The following SMAD6 variants were observed in gnomAD, a reference collection of about 807,000 sequenced individuals.
SMAD6 encodes SMAD family member 6.
Under a neutral mutation model 39.4 loss-of-function variants are expected in SMAD6, and 103 were observed. The observed-to-expected ratio is 2.62, with a 90% CI of 2.23 to 3.08. The LOEUF (loss-of-function observed/expected upper bound fraction) is 3.08, where lower values mean the gene tolerates loss of function less well. SMAD6 is among the 30% of genes most tolerant of loss of function. The probability of loss-of-function intolerance (pLI) is 0.00; values close to 1 mark genes in which losing one functional copy is unlikely to be tolerated. For missense variants in SMAD6, 1,104 were observed against 742.9 expected (o/e 1.49, Z -5.65); for synonymous variants, 445 against 353.3 (o/e 1.26, Z -2.91).
At chr15:66,743,402 C>G (rs1259751125) in intron 3 of SMAD6, among the ~76,000 whole-genome samples, 2 of 140,432 alleles carry the variant, frequency 1.4e-5, no homozygotes, top group East Asian at 4.6e-4. Context: ...AAAATGGGTA[C>G]ATACCTGAAA....
chr15:66,750,506 A>T (rs1296078362), intron 3 of SMAD6, among the ~76,000 whole-genome samples: 1 of 152,196 alleles, frequency 6.6e-6, no homozygotes, highest in Non-Finnish European at 1.5e-5. Flanking sequence ...CCTTGTTCTC[A>T]CAGTGCTTCC....
intron 3 of SMAD6, among the ~76,000 whole-genome samples, chr15:66,770,300 A>G (rs974696728): frequency 2.6e-5 from 4 of 152,146 alleles, no homozygotes; most frequent in Admixed American, 1.3e-4. Flanking sequence ...TTGGGCATTT[A>G]ATGCCTGAGA....
In SMAD6 at chr15:66,781,035, T is replaced by C; in HGVS notation, c.991T>C (p.Trp331Arg). 1.3e-6 allele frequency: 2 copies of C among 1,598,396 alleles called. No individual in the cohort carries two copies. The highest frequency in any genetic ancestry group is 1.7e-6 in the Non-Finnish European group (2 of 1,176,914). The change falls in exon 4 of 4, where the codon TGG (tryptophan) becomes CGG (arginine). Residue 331 changes from tryptophan (W) to arginine (R), a missense_variant. Transcript: ENST00000288840. The stretch of plus-strand genomic sequence containing the variant: ...TCCGGACGCCACCAAGCCGAGCCAC[T>C]GGTGCAGCGTGGCGTACTGGGAGCA... ...MSPDATKPSHWCSVAYWEHRT... is the reference protein window; with the variant it reads ...MSPDATKPSHRCSVAYWEHRT...
In SMAD6 at chr15:66,763,977, G is replaced by A. The variant is rs1028799845; in HGVS notation, c.953-17020G>A. On this transcript the variant is annotated intron_variant, in intron 3 of 3. Coordinates refer to ENST00000288840, the MANE Select transcript of SMAD6 (RefSeq NM_005585.5). ...CTGACTACCAGAGCAGGGCTGAGGCGCCTCGGCCATCCACGGGACTTCCCT... is the reference window on the plus strand; with the variant it reads ...CTGACTACCAGAGCAGGGCTGAGGCACCTCGGCCATCCACGGGACTTCCCT... 1.8e-4 allele frequency among the ~76,000 whole-genome samples: 28 copies of A among 152,250 alleles called. 1 individual carries two copies. The highest frequency in any genetic ancestry group is 2.1e-4 in the South Asian group (1 of 4,836).
rs4072640 is a variant in SMAD6 at position 66,775,457 on chromosome 15, C to T, written c.953-5540C>T. 9.9e-3 allele frequency among the ~76,000 whole-genome samples: 1,510 copies of T among 152,210 alleles called. 97 individuals are homozygous for T. In the East Asian group the frequency reaches 0.17, roughly 17 times the overall value. On this transcript the variant is annotated intron_variant, in intron 3 of 3. Transcript: ENST00000288840. ...AGTCCTAGCAACATTAACTAAATCA[C>T]GGAAATTTAGAGCTGGGGAGAGTAA...
Position 66,781,005 on chromosome 15 carries a change from A to G in SMAD6, c.961A>G (p.Met321Val). Residue 321 changes from methionine to valine, a missense_variant, in exon 4 of 4, where the codon ATG becomes GTG. Met to Val is a conservative substitution (Grantham distance 21). Coordinates refer to ENST00000288840, the MANE Select transcript of SMAD6 (RefSeq NM_005585.5). ...CTGTGCTTGTCCCGCAGACGCCAGC[A>G]TGTCTCCGGACGCCACCAAGCCGAG... ...TAPGEFSDAS[M>V]SPDATKPSHW... is the part of the protein sequence containing the mutation. 6.4e-7 allele frequency: 1 copy of G among 1,572,230 alleles called. No homozygotes were observed. The highest frequency in any genetic ancestry group is 8.6e-7 in the Non-Finnish European group (1 of 1,164,278).
At chr15:66,742,501 C>T (rs1422198663) in intron 3 of SMAD6, among the ~76,000 whole-genome samples, 1 of 152,114 alleles carries the variant, frequency 6.6e-6, no homozygotes, top group African/African-American at 2.4e-5. Context: ...CCAGGACACT[C>T]ACCCTTGGGT....
At chr15:66,713,263 G>A (rs535009035) in intron 2 of SMAD6, among the ~76,000 whole-genome samples, 1 of 152,290 alleles carries the variant, frequency 6.6e-6, no homozygotes, top group South Asian at 2.1e-4. Context: ...GGTTTTGTTT[G>A]GTTTTTGGTA....
chr15:66,721,383 C>G (rs1285448254), intron 3 of SMAD6, among the ~76,000 whole-genome samples: 1 of 147,630 alleles, frequency 6.8e-6, no homozygotes, highest in East Asian at 2.0e-4. Context: ...TTACAGGGAC[C>G]AAGTGTGTTC....
intron 1 of SMAD6, among the ~76,000 whole-genome samples, chr15:66,710,904 A>T (rs1893214184): frequency 6.6e-6 from 1 of 152,218 alleles, no homozygotes; most frequent in Non-Finnish European, 1.5e-5. Flanking sequence ...GCTGGAAGTG[A>T]CTGGCTTAAG....
intron 2 of SMAD6, among the ~76,000 whole-genome samples, chr15:66,714,503 C>T (rs1385268958): frequency 6.6e-6 from 1 of 152,206 alleles, no homozygotes; most frequent in Non-Finnish European, 1.5e-5. Flanking sequence ...TGTCCATTTC[C>T]ATTTTGTCCA....
At position 66,707,101 on chromosome 15, in the gene SMAD6, C is replaced by T. The variant is rs1377394075; in HGVS notation, c.817+3026C>T. The T allele has an allele frequency of 3.9e-5, 6 of 152,134 alleles. No individual in the cohort carries two copies. The East Asian group carries it at 1.2e-3, about 30-fold the overall frequency. 9.4% of individuals were successfully genotyped at this position (152,134 alleles called of 1,614,324 possible). A position where few individuals can be genotyped will look rare whatever the true frequency, so the allele number is the denominator to read the frequency against. The stretch of plus-strand genomic sequence containing the variant: ...GGGAGTCAGGCCCAACTCTGCCTCC[C>T]CCTTGGGTGTCTTTCTGTCCCAGGA... On this transcript the variant is annotated intron_variant, in intron 1 of 3. Transcript: ENST00000288840.
chr15:66,731,417 A>T (rs866927420), intron 3 of SMAD6, among the ~76,000 whole-genome samples: 1 of 146,062 alleles, frequency 6.8e-6, no homozygotes, highest in Non-Finnish European at 1.5e-5. Flanking sequence ...CAGCCTGGGC[A>T]ACAGAGCGAG....
chr15:66,717,780 C>G (rs923328958), intron 3 of SMAD6, among the ~76,000 whole-genome samples: 5 of 152,074 alleles, frequency 3.3e-5, no homozygotes, highest in Non-Finnish European at 5.9e-5. Flanking sequence ...TGCGGTGGTC[C>G]TGGGGTCCAG....
At position 66,716,499 on chromosome 15, in the gene SMAD6, G is replaced by A. The variant is rs1213383281; in HGVS notation, c.952+1G>A. The stretch of plus-strand genomic sequence containing the variant: ...ATCACTGCTCCGGGTGAATTCTCAG[G>A]TCAGCATTTTTTCTTGTGCATTGCT... On this transcript the variant is annotated splice_donor_variant, in intron 3 of 3. Coordinates refer to ENST00000288840, the MANE Select transcript of SMAD6 (RefSeq NM_005585.5). LOFTEE classifies it high-confidence loss of function. 1 of 1,610,030 alleles carries A rather than the reference G, an allele frequency of 6.2e-7. No homozygotes were observed. The highest frequency in any genetic ancestry group is 2.2e-5 in the East Asian group (1 of 44,866).
At chr15:66,778,847 G>A (rs1894510804) in intron 3 of SMAD6, among the ~76,000 whole-genome samples, 1 of 152,212 alleles carries the variant, frequency 6.6e-6, no homozygotes. Flanking sequence ...AGATGAGGCT[G>A]TTGTGAAGAA....
chr15:66,758,683 G>C (rs577666549), intron 3 of SMAD6, among the ~76,000 whole-genome samples: 3 of 151,760 alleles, frequency 2.0e-5, no homozygotes, highest in Admixed American at 6.6e-5. Flanking sequence ...AGCTGAGATC[G>C]TGCCGTTGCA....
At chr15:66,746,760 T>C (rs968153338) in intron 3 of SMAD6, among the ~76,000 whole-genome samples, 2 of 151,730 alleles carry the variant, frequency 1.3e-5, no homozygotes, top group Non-Finnish European at 2.9e-5. Flanking sequence ...CCAGGTAGGG[T>C]GAGGTTTGAT....
chr15:66,718,377 G>T (rs957819446), intron 3 of SMAD6, among the ~76,000 whole-genome samples: 1 of 152,076 alleles, frequency 6.6e-6, no homozygotes, highest in South Asian at 2.1e-4. Context: ...TGAGATTTCC[G>T]ACCGGATATC....
Sources: allele counts gnomAD v4.1 joint callset (sites outside exome capture counted in the v4.1 genomes callset), GRCh38; gene constraint gnomAD v4.1.1; transcripts MANE v1.5; gene names NCBI Gene and HGNC (gene_info 2026-07-23, HGNC 2026-07-21).